Variants in AKAP7 observed in about 807,000 individuals in gnomAD.
The protein encoded by AKAP7 is A-kinase anchoring protein 7.
A neutral mutation model predicts 39.5 loss-of-function variants in AKAP7; 39 were observed. The observed-to-expected ratio is 0.99, with a 90% CI of 0.76 to 1.29. The LOEUF (loss-of-function observed/expected upper bound fraction) is 1.29. Ranked by LOEUF, AKAP7 falls within the 50% of genes most tolerant of loss-of-function variation. The probability of loss-of-function intolerance (pLI) is 0.00; values close to 1 mark genes in which losing one functional copy is unlikely to be tolerated. For synonymous variants in AKAP7, 140 were observed against 139.1 expected (o/e 1.01, Z -0.05); for missense variants, 414 against 407.7 (o/e 1.02, Z -0.13).
chr6:131,191,728 C>T (rs1806418277), intron 5 of AKAP7, among the ~76,000 whole-genome samples: 1 of 152,136 alleles, frequency 6.6e-6, no homozygotes, highest in Admixed American at 6.5e-5. Context: ...TGTGGTTTGG[C>T]ACCTAATGCT....
intron 7 of AKAP7, among the ~76,000 whole-genome samples, chr6:131,222,257 G>A (rs1184359162): frequency 6.6e-6 from 1 of 152,196 alleles, no homozygotes; most frequent in Non-Finnish European, 1.5e-5. Context: ...CAGGCGCGGT[G>A]GCTCACGCCT....
At chr6:131,253,255 A>T in intron 7 of AKAP7, 1 of 758,116 alleles carries the variant, frequency 1.3e-6, no homozygotes, top group Non-Finnish European at 2.1e-6. Context: ...GATTTTTTTA[A>T]ATCAACTAGT....
chr6:131,174,223 T>C (rs1175550499), intron 5 of AKAP7, among the ~76,000 whole-genome samples: 2 of 152,250 alleles, frequency 1.3e-5, no homozygotes, highest in Non-Finnish European at 2.9e-5. Context: ...TTATAATTTT[T>C]ATGCACTTTT....
intron 2 of AKAP7, among the ~76,000 whole-genome samples, chr6:131,153,872 C>A (rs1802166394): frequency 2.6e-5 from 4 of 152,082 alleles, no homozygotes; most frequent in Admixed American, 2.6e-4. Context: ...GAGCAATATA[C>A]TATCTACATG....
the AKAP7 span, among the ~76,000 whole-genome samples, chr6:131,126,359 C>T: frequency 2.0e-5 from 3 of 152,028 alleles, no homozygotes; most frequent in Admixed American, 6.6e-5. Context: ...AATGAATTAG[C>T]GATGCAAATG....
At chr6:131,267,754 A>G (rs1227300477) in intron 7 of AKAP7, among the ~76,000 whole-genome samples, 4 of 152,142 alleles carry the variant, frequency 2.6e-5, no homozygotes, top group Admixed American at 2.0e-4. Context: ...ACCTCCTGCA[A>G]TTCACTTTTT....
intron 5 of AKAP7, among the ~76,000 whole-genome samples, chr6:131,183,261 T>C (rs56318353): frequency 0.13 from 19,531 of 152,126 alleles, 1,461 homozygotes; most frequent in Non-Finnish European, 0.15. Flanking sequence ...TTAATGTCAG[T>C]GCCACTAAGC....
intron 3 of AKAP7, chr6:131,164,588 C>T (rs557450896): frequency 1.2e-3 from 410 of 351,372 alleles, no homozygotes; most frequent in Non-Finnish European, 2.0e-3. Context: ...CGTAAAAAAT[C>T]TTAAAGGCCA....
intron 7 of AKAP7, among the ~76,000 whole-genome samples, chr6:131,268,919 A>G (rs1325521309): frequency 6.6e-6 from 1 of 152,200 alleles, no homozygotes; most frequent in Admixed American, 6.5e-5. Flanking sequence ...CTACCAGACA[A>G]AAGCATGATT....
At chr6:131,192,947 C>T (rs536247553) in intron 5 of AKAP7, among the ~76,000 whole-genome samples, 32 of 152,246 alleles carry the variant, frequency 2.1e-4, no homozygotes, top group African/African-American at 7.7e-4. Context: ...TGCAACTTTA[C>T]TGAATTTTTT....
At chr6:131,130,263 T>A in the AKAP7 span, among the ~76,000 whole-genome samples, 10 of 152,360 alleles carry the variant, frequency 6.6e-5, no homozygotes, top group East Asian at 1.2e-3. Flanking sequence ...CAGCTCAACC[T>A]GCTCTACTCT....
rs567905741 is a variant in AKAP7 at position 131,154,046 on chromosome 6, C to G, written c.152-6013C>G. Reference sequence around the variant, plus strand: ...CCAATATGGTGAAAACCTGTCTCTACTAAAAATACAAAAAATTAGCTGGGC... The same window carrying G: ...CCAATATGGTGAAAACCTGTCTCTAGTAAAAATACAAAAAATTAGCTGGGC... On this transcript the variant is annotated intron_variant, in intron 2 of 7. Coordinates refer to ENST00000431975, the MANE Select transcript of AKAP7 (RefSeq NM_016377.4). Among the ~76,000 whole-genome samples the G allele has an allele frequency of 2.0e-5, 3 of 152,160 alleles. No homozygotes were observed. The South Asian group carries it at 6.2e-4, about 32-fold the overall frequency.
upstream of AKAP7, among the ~76,000 whole-genome samples, chr6:131,130,859 T>A (rs1210447120): frequency 6.6e-6 from 1 of 152,126 alleles, no homozygotes; most frequent in Non-Finnish European, 1.5e-5. Context: ...TTGGCATGAG[T>A]TGGTAGGTTC....
chr6:131,171,817 C>T (rs1285213185), intron 5 of AKAP7, among the ~76,000 whole-genome samples: 1 of 152,054 alleles, frequency 6.6e-6, no homozygotes, highest in African/African-American at 2.4e-5. Context: ...GACAAAGGAG[C>T]CAGACTGTCA....
rs1807304877 is a variant in AKAP7 at position 131,199,499 on chromosome 6, G to T, written c.628G>T (p.Val210Leu). ...NRTFQEKGILVGESRSFKPHL... is the reference protein window; with the variant it reads ...NRTFQEKGILLGESRSFKPHL... Reference sequence around the variant, plus strand: ...GACATTTCAAGAAAAAGGCATCCTGGTAGGAGAGAGCAGAAGTTTTAAACC... The same window carrying T: ...GACATTTCAAGAAAAAGGCATCCTGTTAGGAGAGAGCAGAAGTTTTAAACC... The change falls in exon 6 of 8, where the codon GTA becomes TTA. Residue 210 changes from valine to leucine, a missense_variant. By Grantham distance (32) the Val-to-Leu change is conservative. Coordinates refer to ENST00000431975, the MANE Select transcript of AKAP7 (RefSeq NM_016377.4). 2 of 1,610,672 alleles carry T rather than the reference G, an allele frequency of 1.2e-6. No homozygotes were observed. The highest frequency in any genetic ancestry group is 1.3e-5 in the African/African-American group (1 of 74,796).
chr6:131,202,844 T>C (rs1807725814), intron 6 of AKAP7, among the ~76,000 whole-genome samples: 1 of 152,186 alleles, frequency 6.6e-6, no homozygotes, highest in Non-Finnish European at 1.5e-5. Flanking sequence ...TATTTTAATT[T>C]ATGGAATGAG....
chr6:131,222,219 G>A (rs1301313999), intron 7 of AKAP7, among the ~76,000 whole-genome samples: 2 of 152,146 alleles, frequency 1.3e-5, no homozygotes, highest in Non-Finnish European at 2.9e-5. Flanking sequence ...AGTAACTGCA[G>A]ATGTGATAGA....
intron 7 of AKAP7, among the ~76,000 whole-genome samples, chr6:131,241,163 C>T (rs1811521650): frequency 6.6e-6 from 1 of 152,092 alleles, no homozygotes; most frequent in African/African-American, 2.4e-5. Flanking sequence ...TCTGCTGGTA[C>T]AGTATAAGCA....
chr6:131,241,100 A>G lies in AKAP7; in HGVS notation c.850+21292A>G, dbSNP rs551201560. On this transcript the variant is annotated intron_variant, in intron 7 of 7. Transcript: ENST00000431975. Reference sequence around the variant, plus strand: ...ATTTTGTAGGGAATGGGAGCCATCAACATTTTTGGAGCTGGAAATGACATT... The same window carrying G: ...ATTTTGTAGGGAATGGGAGCCATCAGCATTTTTGGAGCTGGAAATGACATT... Among the ~76,000 whole-genome samples, 213 of 152,280 alleles carry G rather than the reference A, an allele frequency of 1.4e-3. 2 individuals are homozygous for G. The highest frequency in any genetic ancestry group is 5.0e-3 in the African/African-American group (206 of 41,564).
Sources: gnomAD v4.1 joint callset for allele counts (sites outside exome capture counted in the v4.1 genomes callset) on GRCh38, gnomAD v4.1.1 for gene constraint, MANE v1.5 for transcripts, NCBI Gene and HGNC (gene_info 2026-07-23, HGNC 2026-07-21) for gene names.